Variants in XPOT observed in about 807,000 individuals in gnomAD.
The protein encoded by XPOT is exportin-T.
A neutral mutation model predicts 128.2 loss-of-function variants in XPOT; 34 were observed. The observed-to-expected ratio is 0.27, with a 90% CI of 0.20 to 0.35. XPOT has a LOEUF of 0.35. Among genes scored for constraint, XPOT ranks in the 10% least tolerant of loss-of-function variants. The pLI is 1.00. For synonymous variants in XPOT, 348 were observed against 394.3 expected (o/e 0.88, Z 1.39); for missense variants, 838 against 1,125.3 (o/e 0.74, Z 3.65).
Position 64,410,618 on chromosome 12 carries a change from G to A in XPOT, c.60+523G>A, listed in dbSNP as rs1008585984. 3.9e-5 allele frequency among the ~76,000 whole-genome samples: 6 copies of A among 152,098 alleles called. No individual in the cohort carries two copies. In the East Asian group the frequency reaches 5.8e-4, roughly 15 times the overall value. ...ATTATAGGCATGAGTCACCCTGCCC[G>A]GCCACATTAGTGATATTTAACTTTC... On this transcript the variant is annotated intron_variant, in intron 2 of 24. Transcript: ENST00000332707.
Position 64,419,000 on chromosome 12 carries a change from TG to T in XPOT, c.397del (p.Asp133ThrfsTer2). On this transcript the variant is annotated frameshift_variant, in exon 6 of 25. Transcript: ENST00000332707. LOFTEE classifies it high-confidence loss of function. ...TTTTTTTTTGACATTCTCTCAGTAGTGGACCTAAATCCAAGGGGAGTAGATC... is the reference window on the plus strand; with the variant it reads ...TTTTTTTTTGACATTCTCTCAGTAGTGACCTAAATCCAAGGGGAGTAGATC... ...PKFFFDILSV[V>X]DLNPRGVDLY... The T allele has an allele frequency of 6.2e-7, 1 of 1,614,126 alleles. No homozygotes were observed. Among genetic ancestry groups the T allele is most frequent in the Non-Finnish European group, 8.5e-7 (1 of 1,180,016 alleles).
chr12:64,413,909 T>G (rs1376783277), intron 2 of XPOT, among the ~76,000 whole-genome samples: 1 of 152,226 alleles, frequency 6.6e-6, no homozygotes, highest in Non-Finnish European at 1.5e-5. Flanking sequence ...TCATCACTAG[T>G]GGGAGACACC....
At chr12:64,439,585 C>T (rs529731515) in intron 23 of XPOT, among the ~76,000 whole-genome samples, 3 of 152,214 alleles carry the variant, frequency 2.0e-5, no homozygotes, top group East Asian at 3.9e-4. Flanking sequence ...TGGCTTCTAT[C>T]GTAATCCCAT....
chr12:64,421,757 C>G (rs1275174291), intron 9 of XPOT, among the ~76,000 whole-genome samples: 1 of 151,246 alleles, frequency 6.6e-6, no homozygotes, highest in African/African-American at 2.4e-5. Context: ...TTGAAATTTT[C>G]ATAAGCATGG....
intron 17 of XPOT, 55 bp from the exon 18 acceptor site, chr12:64,431,483 A>C: frequency 1.9e-6 from 3 of 1,572,848 alleles, no homozygotes; most frequent in Non-Finnish European, 2.6e-6. Flanking sequence ...TGAATACTCC[A>C]TAACACTTTT....
rs2040371000 is a variant in XPOT at position 64,446,902 on chromosome 12, A to G, written c.2863-1203A>G. Among the ~76,000 whole-genome samples, 5 of 152,174 alleles carry G rather than the reference A, an allele frequency of 3.3e-5. No homozygotes were observed. The South Asian group carries it at 1.0e-3, about 32-fold the overall frequency. Reference sequence around the variant, plus strand: ...CACTATCAATACTGTTCTTGTCTGTATTAGTCCATTTTCACGCTGCTGATA... The same window carrying G: ...CACTATCAATACTGTTCTTGTCTGTGTTAGTCCATTTTCACGCTGCTGATA... On this transcript the variant is annotated intron_variant, in intron 24 of 24. Coordinates refer to ENST00000332707, the MANE Select transcript of XPOT (RefSeq NM_007235.6).
intron 16 of XPOT, among the ~76,000 whole-genome samples, chr12:64,429,745 C>T (rs957585322): frequency 1.3e-5 from 2 of 152,080 alleles, no homozygotes; most frequent in African/African-American, 4.8e-5. Context: ...GCAGCCTAGC[C>T]TCATAACAAT....
chr12:64,424,908 C>T, intron 12 of XPOT, 130 bp from the exon 13 acceptor site: 1 of 1,340,838 alleles, frequency 7.5e-7, no homozygotes, highest in Non-Finnish European at 1.0e-6. Context: ...TGATGTATTG[C>T]CTGGGAAAGT....
chr12:64,447,603 C>T (rs1187584168), intron 24 of XPOT, among the ~76,000 whole-genome samples: 3 of 151,972 alleles, frequency 2.0e-5, no homozygotes, highest in Non-Finnish European at 4.4e-5. Flanking sequence ...CTCAGCCTCC[C>T]GAATAGCTGG....
At position 64,414,996 on chromosome 12, in the gene XPOT, A is replaced by C. The variant is rs748593229; in HGVS notation, c.143+7A>C. ...TAGCCCAGAGGACATACAGGTAATT[A>C]AAAACAAAATTTGCATGACAATTTA... On this transcript the variant is annotated splice_region_variant and intron_variant, in intron 3 of 24. Transcript: ENST00000332707. 1 of 1,586,688 alleles carries C rather than the reference A, an allele frequency of 6.3e-7. No homozygotes were observed. The highest frequency in any genetic ancestry group is 1.7e-5 in the Admixed American group (1 of 59,624).
intron 2 of XPOT, among the ~76,000 whole-genome samples, chr12:64,411,491 C>G (rs1035011775): frequency 3.9e-5 from 6 of 152,074 alleles, no homozygotes; most frequent in African/African-American, 7.2e-5. Flanking sequence ...ATTTCTTTTT[C>G]AGAAAATTAA....
chr12:64,409,609 C>G (rs1013643700), intron 1 of XPOT: 1 of 157,506 alleles, frequency 6.3e-6, no homozygotes, highest in African/African-American at 2.4e-5. Flanking sequence ...GTGGCGGGCG[C>G]CTGTAGTCCC....
intron 23 of XPOT, 58 bp from the exon 24 acceptor site, chr12:64,445,017 C>G: frequency 7.9e-7 from 1 of 1,268,454 alleles, no homozygotes; most frequent in South Asian, 1.4e-5. Flanking sequence ...ATACGAATTA[C>G]AATGGATTTA....
In XPOT at chr12:64,410,104, C is replaced by G; in HGVS notation, c.60+9C>G. The G allele has an allele frequency of 6.2e-7, 1 of 1,613,102 alleles. No homozygotes were observed. The highest frequency in any genetic ancestry group is 8.5e-7 in the Non-Finnish European group (1 of 1,179,500). On this transcript the variant is annotated intron_variant, in intron 2 of 24. Transcript: ENST00000332707. ...CAGACTTTAGACAAAGGGTAAGTTA[C>G]TCTGCTGAATCATTTTTTAATCATG...
At chr12:64,429,102 T>A (rs1221375886) in intron 16 of XPOT, among the ~76,000 whole-genome samples, 1 of 152,242 alleles carries the variant, frequency 6.6e-6, no homozygotes, top group South Asian at 2.1e-4. Context: ...GTTTCACAGA[T>A]GCAGATGTAC....
rs528690870 is a variant in XPOT, at chr12:64,450,445, T to C, written c.*2314T>C. The C allele has an allele frequency of 4.6e-5, 7 of 152,166 alleles. No homozygotes were observed. Among genetic ancestry groups the C allele is most frequent in the Admixed American group, 2.6e-4 (4 of 15,266 alleles). 9.4% of individuals were successfully genotyped at this position (152,166 alleles called of 1,614,324 possible). On this transcript the variant is annotated 3_prime_UTR_variant, in exon 25 of 25. Coordinates refer to ENST00000332707, the MANE Select transcript of XPOT (RefSeq NM_007235.6). ...CAGGTATAAGCCACTGCACACGGCCTTACTATGCTATCAATTCCATATATG... is the reference window on the plus strand; with the variant it reads ...CAGGTATAAGCCACTGCACACGGCCCTACTATGCTATCAATTCCATATATG...
Position 64,420,490 on chromosome 12 carries a change from T to C in XPOT, c.812T>C (p.Leu271Ser). 3 of 1,613,298 alleles carry C rather than the reference T, an allele frequency of 1.9e-6. No individual in the cohort carries two copies. Among genetic ancestry groups the C allele is most frequent in the Non-Finnish European group, 2.5e-6 (3 of 1,179,712 alleles). The change falls in exon 8 of 25, where the codon TTA becomes TCA. Residue 271 changes from leucine to serine, a missense_variant. Leu to Ser is a moderately radical substitution (Grantham distance 145). Around this residue, in one of 3 missense-constraint regions of XPOT, gnomAD observed 761 missense variants for 988.3 expected, o/e 0.77. Coordinates refer to ENST00000332707, the MANE Select transcript of XPOT (RefSeq NM_007235.6). ...CTAGTGGAATCTTTGTGTCAAGTAT[T>C]ACAGTCTGCTGGGTTTTTCAGCATT... is the stretch of plus-strand genomic sequence containing the variant. ...MKLVESLCQVLQSAGFFSIDQ... is the reference protein window; with the variant it reads ...MKLVESLCQVSQSAGFFSIDQ...
intron 7 of XPOT, 42 bp from the exon 8 acceptor site, chr12:64,420,311 C>T: frequency 2.5e-6 from 4 of 1,600,924 alleles, no homozygotes; most frequent in Non-Finnish European, 3.4e-6. Flanking sequence ...ATCTAAAACT[C>T]ATGACTTTGA....
intron 16 of XPOT, among the ~76,000 whole-genome samples, chr12:64,429,209 C>T (rs919660730): frequency 4.6e-5 from 7 of 152,044 alleles, no homozygotes; most frequent in African/African-American, 1.4e-4. Context: ...TGTTCAAGGC[C>T]GCAGAAGAAA....
Sources: gnomAD v4.1 joint callset for allele counts (sites outside exome capture counted in the v4.1 genomes callset) on GRCh38, gnomAD v4.1.1 for gene constraint, gnomAD v4.1.1 regional missense constraint, MANE v1.5 for transcripts, NCBI Gene and HGNC (gene_info 2026-07-23, HGNC 2026-07-21) for gene names.